The following BCAS3 variants were observed in gnomAD, a reference collection of about 807,000 sequenced individuals.
BCAS3 encodes BCAS3 microtubule associated cell migration factor, also known as BCAS4/BCAS3 fusion.
A neutral mutation model predicts 116.1 loss-of-function variants in BCAS3; 53 were observed. The observed-to-expected ratio is 0.46, with a 90% confidence interval of 0.37 to 0.57. The LOEUF (loss-of-function observed/expected upper bound fraction) is 0.57. BCAS3 is among the 20% of genes least tolerant of loss of function. BCAS3 has a pLI of 0.00. For synonymous variants in BCAS3, 391 were observed against 408.2 expected (o/e 0.96, Z 0.51); for missense variants, 917 against 1,165.4 (o/e 0.79, Z 3.10).
Position 60,994,094 on chromosome 17 carries a change from T to C in BCAS3, c.1486+3859T>C, listed in dbSNP as rs2063696687. On this transcript the variant is annotated intron_variant, in intron 15 of 23. Transcript: ENST00000407086. This position sits in a 1 kb window ranked among gnomAD's most constrained non-coding sequence, Gnocchi z 4.4. ...TCCTTTTTGTTATGAACATGGAAAA[T>C]ACATGACAAAAACATTAACAGTGCT... is the stretch of plus-strand genomic sequence containing the variant. Among the ~76,000 whole-genome samples, 1 of 152,014 alleles carries C rather than the reference T, an allele frequency of 6.6e-6. No individual in the cohort carries two copies. The highest frequency in any genetic ancestry group is 6.5e-5 in the Admixed American group (1 of 15,270).
At chr17:60,727,984 T>G (rs527798584) in intron 5 of BCAS3, among the ~76,000 whole-genome samples, 45 of 151,970 alleles carry the variant, frequency 3.0e-4, no homozygotes, top group South Asian at 1.0e-3. Context: ...ATTTTTCTAT[T>G]TTTTTGTAGA....
At position 60,990,081 on chromosome 17, in the gene BCAS3, T is replaced by G. The variant is rs1429774386; in HGVS notation, c.1332T>G (p.Arg444=). 6.2e-7 allele frequency: 1 copy of G among 1,614,212 alleles called. No homozygotes were observed. Among genetic ancestry groups the G allele is most frequent in the South Asian group, 1.1e-5 (1 of 91,082 alleles). The change falls in exon 15 of 24, where the codon CGT becomes CGG. Residue 444 remains arginine, a synonymous_variant. Coordinates refer to ENST00000407086, the MANE Select transcript of BCAS3 (RefSeq NM_017679.5). This position sits in a 1 kb window ranked among gnomAD's most constrained non-coding sequence, Gnocchi z 5.1. ...CTTATGGTGGCCAGCCTTGTGTTCG[T>G]ACACATATGTCACCACGAGTAGTGA... ...INPYGGQPCV[R]THMSPRVVNR...
At chr17:60,680,332 A>G (rs2032855330) in intron 2 of BCAS3, among the ~76,000 whole-genome samples, 1 of 152,058 alleles carries the variant, frequency 6.6e-6, no homozygotes, top group African/African-American at 2.4e-5. Flanking sequence ...TTATATAGGG[A>G]AACTCATGTC....
chr17:61,041,241 GA>G lies in BCAS3; in HGVS notation c.2029+360del, dbSNP rs60664735. ...AAGCTTGGAATCTGTTTCTAACATGGAAAAAAAAAAACCCCAAAACTTAGCA... is the reference window on the plus strand; with the variant it reads ...AAGCTTGGAATCTGTTTCTAACATGGAAAAAAAAAACCCCAAAACTTAGCA... On this transcript the variant is annotated intron_variant, in intron 19 of 23. Coordinates refer to ENST00000407086, the MANE Select transcript of BCAS3 (RefSeq NM_017679.5). This position sits in a 1 kb window ranked among gnomAD's most constrained non-coding sequence, Gnocchi z 4.7. 4.1e-4 allele frequency among the ~76,000 whole-genome samples: 60 copies of G among 144,952 alleles called. No individual in the cohort carries two copies. Among genetic ancestry groups the G allele is most frequent in the East Asian group, 1.2e-3 (6 of 5,008 alleles).
At chr17:60,975,999 A>G (rs2062322351) in intron 14 of BCAS3, among the ~76,000 whole-genome samples, 1 of 138,632 alleles carries the variant, frequency 7.2e-6, no homozygotes, top group Non-Finnish European at 1.5e-5. Flanking sequence ...CCAGCTGCAA[A>G]CATTTGTATA....
chr17:61,384,264 G>C (rs1486224753), intron 23 of BCAS3: 1 of 152,346 alleles, frequency 6.6e-6, no homozygotes, highest in Non-Finnish European at 1.5e-5. Flanking sequence ...AGCTAGGAGA[G>C]ACATTTCAGC....
At chr17:61,216,674 G>T (rs1467876821) in intron 22 of BCAS3, among the ~76,000 whole-genome samples, 1 of 151,700 alleles carries the variant, frequency 6.6e-6, no homozygotes, top group Non-Finnish European at 1.5e-5. Flanking sequence ...CTCCTGAGTA[G>T]CTGGGATTAC....
intron 6 of BCAS3, among the ~76,000 whole-genome samples, chr17:60,807,299 G>A (rs79414583): frequency 0.029 from 4,345 of 151,904 alleles, 86 homozygotes; most frequent in Non-Finnish European, 0.044. Context: ...TAGGATTTTT[G>A]CAACTATGTA....
At chr17:61,135,744 CATAA>C (rs746634525) in intron 22 of BCAS3, 9 of 152,180 alleles carry the variant, frequency 5.9e-5, no homozygotes, top group Non-Finnish European at 1.2e-4. Context: ...ATGTCAGGCT[CATAA>C]ATAAGTTTTA....
At chr17:60,726,603 AG>A (rs1457017774) in intron 5 of BCAS3, among the ~76,000 whole-genome samples, 4 of 148,060 alleles carry the variant, frequency 2.7e-5, no homozygotes, top group Non-Finnish European at 4.5e-5. Flanking sequence ...TCCGCCTCGC[AG>A]GTTCACGCCA....
At chr17:60,824,711 C>T (rs2050232006) in intron 7 of BCAS3, among the ~76,000 whole-genome samples, 1 of 152,180 alleles carries the variant, frequency 6.6e-6, no homozygotes. Flanking sequence ...TATAATCCCC[C>T]TACATAATTG....
intron 4 of BCAS3, among the ~76,000 whole-genome samples, chr17:60,707,745 A>G (rs1286169451): frequency 6.6e-6 from 1 of 152,158 alleles, no homozygotes; most frequent in Non-Finnish European, 1.5e-5. Context: ...TTTTTAACAT[A>G]TATTGAAATG....
chr17:60,969,218 A>AGGGTAGTGAAGGGGTAGTGAAGG (rs1230870351), intron 14 of BCAS3, among the ~76,000 whole-genome samples: 3 of 152,198 alleles, frequency 2.0e-5, no homozygotes, highest in Non-Finnish European at 4.4e-5. Context: ...TAGTGAAGCC[A>AGGGTAGTGAAGGGGTAGTGAAGG]GCTAGCTTCT....
At chr17:61,042,096 A>C (rs2067558997) in intron 19 of BCAS3, among the ~76,000 whole-genome samples, 1 of 152,068 alleles carries the variant, frequency 6.6e-6, no homozygotes, top group Non-Finnish European at 1.5e-5. Flanking sequence ...TTGATTCAAG[A>C]AGCAGTGCAT....
rs57047971 is a variant in BCAS3, at chr17:60,881,890, G to T, written c.661+7152G>T. Among the ~76,000 whole-genome samples, 8 of 145,716 alleles carry T rather than the reference G, an allele frequency of 5.5e-5. No individual in the cohort carries two copies. In the South Asian group the frequency reaches 1.3e-3, roughly 23 times the overall value. ...AGTCTTTGCTATTGTGAATAATGCC[G>T]CAATAAACATACGTGTGCATGTGTC... is the stretch of plus-strand genomic sequence containing the variant. On this transcript the variant is annotated intron_variant, in intron 9 of 23. Coordinates refer to ENST00000407086, the MANE Select transcript of BCAS3 (RefSeq NM_017679.5).
rs998023660 is a variant in BCAS3, at chr17:61,179,067, C to T, written c.2425+94503C>T. ...GGCATTGCTAGGTAAATTGGGCCGT[C>T]AGCCTAACATTAGCATTTTTTATTA... On this transcript the variant is annotated intron_variant, in intron 22 of 23. Transcript: ENST00000407086. Among the ~76,000 whole-genome samples the T allele has an allele frequency of 3.9e-5, 6 of 152,070 alleles. No individual in the cohort carries two copies. In the South Asian group the frequency reaches 6.2e-4, roughly 16 times the overall value.
chr17:60,815,064 A>G (rs2049245642), intron 7 of BCAS3, among the ~76,000 whole-genome samples: 1 of 152,198 alleles, frequency 6.6e-6, no homozygotes, highest in African/African-American at 2.4e-5. Flanking sequence ...TCAATGATAG[A>G]CTGGATTAAG....
chr17:60,952,921 C>G (rs1360543935), intron 14 of BCAS3, among the ~76,000 whole-genome samples: 1 of 151,840 alleles, frequency 6.6e-6, no homozygotes, highest in Non-Finnish European at 1.5e-5. Flanking sequence ...CCAGCTCCAT[C>G]CACGTTCCTG....
Position 60,967,808 on chromosome 17 carries a change from A to T in BCAS3, c.1221+20456A>T, listed in dbSNP as rs1157905924. On this transcript the variant is annotated intron_variant, in intron 14 of 23. Transcript: ENST00000407086. This position sits in a 1 kb window ranked among gnomAD's most constrained non-coding sequence, Gnocchi z 4.7. ...TTTTAGGTCACTGATTCTTTCCTTC[A>T]CTTGGTCCATTCCACTGTTGAGAGT... 6.6e-6 allele frequency among the ~76,000 whole-genome samples: 1 copy of T among 151,318 alleles called. No homozygotes were observed. The highest frequency in any genetic ancestry group is 1.5e-5 in the Non-Finnish European group (1 of 67,896).
Sources: allele counts gnomAD v4.1 joint callset (sites outside exome capture counted in the v4.1 genomes callset), GRCh38; gene constraint gnomAD v4.1.1; non-coding constraint Gnocchi (gnomAD v3.1); transcripts MANE v1.5; gene names NCBI Gene and HGNC (gene_info 2026-07-23, HGNC 2026-07-21).